Variants in CALY observed in about 807,000 individuals in gnomAD.
CALY encodes calcyon neuron specific vesicular protein.
A neutral mutation model predicts 20.2 loss-of-function variants in CALY; 15 were observed. The observed-to-expected ratio is 0.74, with a 90% CI of 0.50 to 1.14. The LOEUF (loss-of-function observed/expected upper bound fraction) is 1.14, where lower values mean the gene tolerates loss of function less well. CALY is among the 50% of genes most tolerant of loss of function. CALY has a pLI of 0.00. For synonymous variants in CALY, 129 were observed against 131.8 expected, an observed-to-expected ratio of 0.98 and a Z score of 0.15; for missense variants, 270 against 304.4, an observed-to-expected ratio of 0.89 and a Z score of 0.84.
rs201093557 is a variant in CALY at position 133,324,412 on chromosome 10, C to CA, written c.*1182dup. On this transcript the variant is annotated 3_prime_UTR_variant, in exon 6 of 6. Transcript: ENST00000252939. ...GAAGCTGCCTAGACCCGCACCTAGC[C>CA]AGCAAGCCTGGGAGCCAATGGTGGG... The CA allele has an allele frequency of 9.3e-3, 4,234 of 454,456 alleles. 160 individuals are homozygous for CA. The highest frequency in any genetic ancestry group is 0.074 in the African/African-American group (3,682 of 49,572). 28.2% of individuals were successfully genotyped at this position (454,456 alleles called of 1,614,324 possible).
At chr10:133,331,083 G>C (rs956043305) in intron 1 of CALY, among the ~76,000 whole-genome samples, 6 of 152,252 alleles carry the variant, frequency 3.9e-5, no homozygotes, top group Non-Finnish European at 8.8e-5. Flanking sequence ...TAGAGGAGCA[G>C]AAGTAACTCT....
rs766088190 is a variant in CALY, at chr10:133,327,218, A to C, written c.247-227T>G. The stretch of plus-strand genomic sequence containing the variant: ...GTGGCCCCTCCACTGGGGTTCTGGA[A>C]ACATCTGCCACCAGGTAAAGTGATG... On this transcript the variant is annotated intron_variant, in intron 3 of 5. Coordinates refer to ENST00000252939, the MANE Select transcript of CALY (RefSeq NM_015722.4). Among the ~76,000 whole-genome samples the C allele has an allele frequency of 7.0e-4, 106 of 152,204 alleles. 2 individuals carry two copies. The highest frequency in any genetic ancestry group is 2.4e-4 in the Non-Finnish European group (16 of 68,020).
At chr10:133,335,179 G>T (rs1848417166) in intron 1 of CALY, among the ~76,000 whole-genome samples, 1 of 152,140 alleles carries the variant, frequency 6.6e-6, no homozygotes, top group Non-Finnish European at 1.5e-5. Flanking sequence ...TTGGCCCGCG[G>T]GGGTGGGGGT....
chr10:133,329,906 C>T (rs1848275215), intron 1 of CALY, among the ~76,000 whole-genome samples: 1 of 152,226 alleles, frequency 6.6e-6, no homozygotes, highest in Admixed American at 6.5e-5. Context: ...TGAGAAAGAG[C>T]GGCCACAAGA....
At position 133,324,269 on chromosome 10, in the gene CALY, G is replaced by A. The variant is rs760505096; in HGVS notation, c.*1326C>T. 2.2e-6 allele frequency: 1 copy of A among 449,090 alleles called. No homozygotes were observed. The highest frequency in any genetic ancestry group is 1.6e-5 in the South Asian group (1 of 63,930). The allele number at this position is 449,090 out of a possible 1,614,324, so 27.8% of individuals were successfully genotyped here. A position where few individuals can be genotyped will look rare whatever the true frequency, so the allele number is the denominator to read the frequency against. On this transcript the variant is annotated 3_prime_UTR_variant, in exon 6 of 6. Coordinates refer to ENST00000252939, the MANE Select transcript of CALY (RefSeq NM_015722.4). ...TGAAGGGTGTGGTGTGCATGGCCCT[G>A]CCTTCCCTGACCCCACCTGGCTGGC...
Position 133,325,906 on chromosome 10 carries a change from G to A in CALY, c.575C>T (p.Pro192Leu), listed in dbSNP as rs987402732. The change falls in exon 5 of 6, where the codon CCC (proline) becomes CTC (leucine). Residue 192 changes from proline to leucine, a missense_variant. Transcript: ENST00000252939. The stretch of plus-strand genomic sequence containing the variant: ...CTCCGCCTTGGCCGACGGCTTCCCG[G>A]GGGGTTCGGTGGCCGCCGCCGCCGC... ...AGAAAAATEP[P>L]GKPSAKAEKE... The A allele has an allele frequency of 1.5e-6, 2 of 1,293,992 alleles. No individual in the cohort carries two copies. The highest frequency in any genetic ancestry group is 4.0e-5 in the Admixed American group (1 of 25,050). 80.2% of individuals were successfully genotyped at this position (1,293,992 alleles called of 1,614,324 possible).
chr10:133,331,965 A>G (rs567497849), intron 1 of CALY, among the ~76,000 whole-genome samples: 2 of 152,256 alleles, frequency 1.3e-5, no homozygotes, highest in African/African-American at 2.4e-5. Flanking sequence ...TGTCTCGACT[A>G]AAAATACAAA....
chr10:133,328,798 A>C, intron 2 of CALY, 57 bp downstream of exon 2: 2 of 1,488,786 alleles, frequency 1.3e-6, no homozygotes, highest in Non-Finnish European at 1.8e-6. Flanking sequence ...CTCACCCCAC[A>C]CCCCTTTGTT....
chr10:133,330,798 G>A (rs898348672), intron 1 of CALY, among the ~76,000 whole-genome samples: 4 of 151,106 alleles, frequency 2.6e-5, no homozygotes, highest in African/African-American at 9.7e-5. Context: ...GAAAGACAAG[G>A]GAGCACTCAC....
In CALY at chr10:133,324,182, C is replaced by A; in HGVS notation, c.*1413G>T. 5.8e-6 allele frequency: 2 copies of A among 343,622 alleles called. No homozygotes were observed. Among genetic ancestry groups the A allele is most frequent in the South Asian group, 4.3e-5 (2 of 46,820 alleles). 21.3% of individuals were successfully genotyped at this position (343,622 alleles called of 1,614,324 possible). On this transcript the variant is annotated 3_prime_UTR_variant, in exon 6 of 6. Transcript: ENST00000252939. ...CGGGCCCCCCTCCCTTGCAGGCCATCAGGGCCAATTCAGTTCTGCGTGTGC... is the reference window on the plus strand; with the variant it reads ...CGGGCCCCCCTCCCTTGCAGGCCATAAGGGCCAATTCAGTTCTGCGTGTGC...
At chr10:133,325,719 G>T (rs1045209558) in intron 5 of CALY, 80 bp downstream of exon 5, 1 of 604,100 alleles carries the variant, frequency 1.7e-6, no homozygotes. Flanking sequence ...GGTGGCGGGG[G>T]TCTTTGGCTC....
intron 1 of CALY, among the ~76,000 whole-genome samples, chr10:133,331,782 C>T: frequency 6.6e-6 from 1 of 152,158 alleles, no homozygotes; most frequent in Non-Finnish European, 1.5e-5. Flanking sequence ...TTGACAAGCA[C>T]TGTCATTTTA....
rs1589850093 is a variant in CALY at position 133,325,703 on chromosome 10, G to A, written c.*28+96C>T. The A allele has an allele frequency of 9.4e-6, 5 of 532,790 alleles. No individual in the cohort carries two copies. In the East Asian group the frequency reaches 1.3e-4, roughly 14 times the overall value. The allele number at this position is 532,790 out of a possible 1,614,324, so 33.0% of individuals were successfully genotyped here. ...CGGGCCGGGTCGGAGGGAAGAGGAA[G>A]GGAAGGGTGGCGGGGGTCTTTGGCT... On this transcript the variant is annotated intron_variant, in intron 5 of 5. Coordinates refer to ENST00000252939, the MANE Select transcript of CALY (RefSeq NM_015722.4).
chr10:133,327,863 C>T (rs973007753), intron 3 of CALY, 42 bp downstream of exon 3: 2 of 1,356,640 alleles, frequency 1.5e-6, no homozygotes, highest in African/African-American at 2.9e-5. Flanking sequence ...ACCTTCTCCT[C>T]CTGTCCTGAG....
At position 133,327,971 on chromosome 10, in the gene CALY, G is replaced by T; in HGVS notation, c.180C>A (p.Asp60Glu). The T allele has an allele frequency of 1.9e-6, 3 of 1,612,932 alleles. No homozygotes were observed. The highest frequency in any genetic ancestry group is 2.5e-6 in the Non-Finnish European group (3 of 1,179,572). The change falls in exon 3 of 6, where the codon GAC (aspartate) becomes GAA (glutamate). Residue 60 changes from aspartate to glutamate, a missense_variant. Transcript: ENST00000252939. ...TQTEYQLSSP[D>E]QQNFPDLEGQ... is the part of the protein sequence containing the mutation. ...CCTCCAGGTCAGGGAAATTCTGCTG[G>T]TCTGGGGAGGACAGCTGGTATTCTG...
intron 1 of CALY, among the ~76,000 whole-genome samples, 191 bp downstream of exon 1, chr10:133,336,643 G>C (rs977492257): frequency 3.3e-5 from 5 of 152,170 alleles, no homozygotes; most frequent in Non-Finnish European, 7.4e-5. Flanking sequence ...GCCGTGCAGC[G>C]CGCCCTGCAC....
intron 4 of CALY, 158 bp from the exon 5 acceptor site, chr10:133,326,278 G>A: frequency 6.4e-7 from 1 of 1,550,448 alleles, no homozygotes; most frequent in Non-Finnish European, 8.7e-7. Flanking sequence ...AGAACTCAGG[G>A]CCCTGGAGGG....
chr10:133,328,662 T>C (rs1848253523), intron 2 of CALY, among the ~76,000 whole-genome samples, 193 bp downstream of exon 2: 1 of 152,214 alleles, frequency 6.6e-6, no homozygotes, highest in Non-Finnish European at 1.5e-5. Flanking sequence ...TTTGCCCAGC[T>C]CTGGCATATG....
intron 1 of CALY, among the ~76,000 whole-genome samples, chr10:133,329,483 C>T (rs1354839052): frequency 6.6e-6 from 1 of 151,232 alleles, no homozygotes; most frequent in Admixed American, 6.6e-5. Flanking sequence ...GCCTCCTGAG[C>T]TTCAGCAGTC....
Sources: gnomAD v4.1 joint callset for allele counts (sites outside exome capture counted in the v4.1 genomes callset) on GRCh38, gnomAD v4.1.1 for gene constraint, MANE v1.5 for transcripts, NCBI Gene and HGNC (gene_info 2026-07-23, HGNC 2026-07-21) for gene names.